HIVEP3: variants seen among roughly 807,000 people sequenced by gnomAD.
The protein encoded by HIVEP3 is transcription factor HIVEP3.
Under a neutral mutation model 152.8 loss-of-function variants are expected in HIVEP3, and 49 were observed. The observed-to-expected ratio is 0.32, with a 90% CI of 0.26 to 0.41. The LOEUF (loss-of-function observed/expected upper bound fraction) is 0.41. Ranked by LOEUF, HIVEP3 falls within the 10% of genes least tolerant of loss-of-function variation. HIVEP3 has a pLI of 1.00. For synonymous variants in HIVEP3, 1,269 were observed against 1,289.0 expected (o/e 0.98, Z 0.33); for missense variants, 2,790 against 3,103.3 (o/e 0.90, Z 2.40).
intron 1 of HIVEP3, among the ~76,000 whole-genome samples, chr1:41,779,847 TG>T (rs1648936201): frequency 6.6e-6 from 1 of 152,092 alleles, no homozygotes. Flanking sequence ...GCTTGCTGCA[TG>T]GGGAGAAAGT....
chr1:41,610,766 C>G (rs1421699972), intron 3 of HIVEP3, among the ~76,000 whole-genome samples: 1 of 152,196 alleles, frequency 6.6e-6, no homozygotes, highest in Non-Finnish European at 1.5e-5. Flanking sequence ...CATTCGCACT[C>G]TAGGTCCTGA....
intron 1 of HIVEP3, among the ~76,000 whole-genome samples, chr1:41,963,615 G>A (rs1437860608): frequency 2.6e-5 from 4 of 151,984 alleles, no homozygotes; most frequent in African/African-American, 4.8e-5. Flanking sequence ...CATGGCACAT[G>A]TATACATATG....
intron 1 of HIVEP3, among the ~76,000 whole-genome samples, chr1:41,843,270 G>A (rs1643342208): frequency 6.6e-6 from 1 of 152,204 alleles, no homozygotes. Flanking sequence ...TCCAAATACA[G>A]TTTCTCTCTA....
At position 41,873,023 on chromosome 1, in the gene HIVEP3, T is replaced by C. The variant is rs1042498240; in HGVS notation, c.-801+45390A>G. Among the ~76,000 whole-genome samples the C allele has an allele frequency of 1.3e-5, 2 of 152,220 alleles. No homozygotes were observed. The highest frequency in any genetic ancestry group is 2.9e-5 in the Non-Finnish European group (2 of 68,034). ...ACTGATTTACTATTAAAGGACTTACTGGATTTTATAAGGAAAAGAGGAAAC... is the reference window on the plus strand; with the variant it reads ...ACTGATTTACTATTAAAGGACTTACCGGATTTTATAAGGAAAAGAGGAAAC... On this transcript the variant is annotated intron_variant, in intron 1 of 8. Transcript: ENST00000372583. The surrounding 1 kb of genome is among the most constrained non-coding windows in gnomAD (Gnocchi z 4.2).
Position 41,547,448 on chromosome 1 carries a change from T to C in HIVEP3, c.5208-22538A>G, listed in dbSNP as rs541392209. ...GGGTGCCTGGCCTGGGCTTTGAAGA[T>C]GAAGAAGGGGAAATGGCCCTGCAGG... On this transcript the variant is annotated intron_variant, in intron 5 of 8. Coordinates refer to ENST00000372583, the MANE Select transcript of HIVEP3 (RefSeq NM_024503.5). Among the ~76,000 whole-genome samples, 9 of 151,826 alleles carry C rather than the reference T, an allele frequency of 5.9e-5. No individual in the cohort carries two copies. The South Asian group carries it at 1.9e-3, about 32-fold the overall frequency.
intron 3 of HIVEP3, among the ~76,000 whole-genome samples, chr1:41,616,591 G>C (rs997789266): frequency 4.1e-5 from 6 of 147,148 alleles, no homozygotes; most frequent in Non-Finnish European, 9.0e-5. Flanking sequence ...TTTTCAAACA[G>C]GGTATAGGAA....
In HIVEP3 at chr1:41,535,202, T is replaced by A. The variant is rs1569800760; in HGVS notation, c.5208-10292A>T. Among the ~76,000 whole-genome samples the A allele has an allele frequency of 2.6e-5, 4 of 152,248 alleles. 1 individual carries two copies. The highest frequency in any genetic ancestry group is 2.6e-4 in the Admixed American group (4 of 15,308). On this transcript the variant is annotated intron_variant, in intron 5 of 8. Coordinates refer to ENST00000372583, the MANE Select transcript of HIVEP3 (RefSeq NM_024503.5). ...GATGCCGACCAAGGTTTTGTTAGCA[T>A]CTTCCCTCTCCCAGGGACCTGTTAC...
intron 5 of HIVEP3, among the ~76,000 whole-genome samples, chr1:41,574,108 G>A (rs1644291403): frequency 6.6e-6 from 1 of 152,120 alleles, no homozygotes; most frequent in African/African-American, 2.4e-5. Flanking sequence ...GACTGCTGCT[G>A]GGGCAAGCTC....
At chr1:41,634,694 A>G (rs1398645750) in intron 2 of HIVEP3, among the ~76,000 whole-genome samples, 1 of 152,236 alleles carries the variant, frequency 6.6e-6, no homozygotes, top group Non-Finnish European at 1.5e-5. Context: ...AATGCGAGAA[A>G]GCCAATATTA....
At chr1:41,514,434 G>A (rs1038895420) in intron 7 of HIVEP3, among the ~76,000 whole-genome samples, 73 of 152,364 alleles carry the variant, frequency 4.8e-4, no homozygotes, top group African/African-American at 1.7e-3. Flanking sequence ...CGTGGTCAGT[G>A]TACACACACA....
At chr1:41,881,930 GAAAC>G (rs1310262497) in intron 1 of HIVEP3, among the ~76,000 whole-genome samples, 2 of 152,058 alleles carry the variant, frequency 1.3e-5, no homozygotes, top group African/African-American at 4.8e-5. Context: ...AACAACAAAA[GAAAC>G]AAACAAAAAC....
intron 1 of HIVEP3, among the ~76,000 whole-genome samples, chr1:41,864,903 A>G (rs975180253): frequency 2.6e-5 from 4 of 152,244 alleles, no homozygotes; most frequent in Non-Finnish European, 4.4e-5. Context: ...CAGTATGTTG[A>G]TAAGCAGATT....
intron 2 of HIVEP3, among the ~76,000 whole-genome samples, chr1:41,658,583 C>A (rs538852186): frequency 5.9e-5 from 9 of 152,302 alleles, no homozygotes; most frequent in Admixed American, 2.6e-4. Context: ...TCACCCCCCC[C>A]ATGAGCCTCG....
intron 1 of HIVEP3, among the ~76,000 whole-genome samples, chr1:41,970,651 T>C (rs1645223683): frequency 6.6e-6 from 1 of 152,184 alleles, no homozygotes; most frequent in Non-Finnish European, 1.5e-5. Context: ...CATTTACCTA[T>C]GTAACAAACC....
chr1:41,898,975 G>A (rs1315556414), intron 1 of HIVEP3, among the ~76,000 whole-genome samples: 2 of 152,252 alleles, frequency 1.3e-5, no homozygotes, highest in African/African-American at 2.4e-5. Context: ...AGCCCCATGG[G>A]CTGGCATCTT....
At chr1:41,570,167 C>T (rs1398810846) in intron 5 of HIVEP3, among the ~76,000 whole-genome samples, 1 of 152,116 alleles carries the variant, frequency 6.6e-6, no homozygotes, top group African/African-American at 2.4e-5. Context: ...GGGGCTGGGC[C>T]ATGTGGAGCC....
intron 1 of HIVEP3, among the ~76,000 whole-genome samples, chr1:41,761,293 C>T (rs774968661): frequency 1.3e-5 from 2 of 151,572 alleles, no homozygotes; most frequent in East Asian, 1.9e-4. Flanking sequence ...TATACACCTA[C>T]GTGAGTGTGT....
At chr1:41,557,545 C>T (rs563028748) in intron 5 of HIVEP3, among the ~76,000 whole-genome samples, 15 of 152,118 alleles carry the variant, frequency 9.9e-5, no homozygotes, top group East Asian at 7.8e-4. Flanking sequence ...GGAATGAAGG[C>T]GCAGGCTCTG....
chr1:41,741,676 A>G (rs1646998513), intron 1 of HIVEP3, among the ~76,000 whole-genome samples: 1 of 152,234 alleles, frequency 6.6e-6, no homozygotes, highest in African/African-American at 2.4e-5. Context: ...TGCCCTATCC[A>G]TCTGATTTCC....
Sources: allele counts gnomAD v4.1 joint callset (sites outside exome capture counted in the v4.1 genomes callset), GRCh38; gene constraint gnomAD v4.1.1; non-coding constraint Gnocchi (gnomAD v3.1); transcripts MANE v1.5; gene names NCBI Gene and HGNC (gene_info 2026-07-23, HGNC 2026-07-21).